Variants in FOXO1 observed in about 807,000 individuals in gnomAD.
FOXO1 encodes forkhead box O1, also known as forkhead box protein O1.
In FOXO1, 6 loss-of-function variants were observed where a neutral mutation model predicts 44.1. The ratio of observed to expected loss-of-function variants is 0.14; its 90% confidence interval spans 0.07 to 0.27. FOXO1 has a LOEUF of 0.27. Ranked by LOEUF, FOXO1 falls within the 10% of genes least tolerant of loss-of-function variation. FOXO1 has a pLI of 1.00. For synonymous variants in FOXO1, 380 were observed against 362.7 expected (o/e 1.05, Z -0.54); for missense variants, 737 against 888.8 (o/e 0.83, Z 2.17).
At chr13:40,664,650 TCAGGG>T in intron 1 of FOXO1, among the ~76,000 whole-genome samples, 1 of 151,926 alleles carries the variant, frequency 6.6e-6, no homozygotes, top group Non-Finnish European at 1.5e-5. Flanking sequence ...CCCCGGCCCC[TCAGGG>T]CAGCCTCTGT....
rs560587176 is a variant in FOXO1, at chr13:40,646,961, G to A, written c.630+18622C>T. 7.9e-5 allele frequency among the ~76,000 whole-genome samples: 12 copies of A among 152,276 alleles called. No individual in the cohort carries two copies. The South Asian group carries it at 2.3e-3, about 29-fold the overall frequency. ...ACACTACCCCAAAATATGACTGTAG[G>A]AGATCAGAATATGCCACCCCAAAAT... On this transcript the variant is annotated intron_variant, in intron 1 of 2. Coordinates refer to ENST00000379561, the MANE Select transcript of FOXO1 (RefSeq NM_002015.4).
chr13:40,561,556 T>C (rs937135446), intron 1 of FOXO1, among the ~76,000 whole-genome samples: 59 of 152,060 alleles, frequency 3.9e-4, no homozygotes, highest in African/African-American at 1.3e-3. Flanking sequence ...CTACTATCCT[T>C]AAAACTACTG....
intron 1 of FOXO1, among the ~76,000 whole-genome samples, chr13:40,658,836 C>G (rs917463199): frequency 6.6e-6 from 1 of 151,762 alleles, no homozygotes; most frequent in African/African-American, 2.4e-5. Context: ...GGTGAAATCC[C>G]GTCTCTACTA....
chr13:40,575,550 C>T (rs1874712789), intron 1 of FOXO1, among the ~76,000 whole-genome samples: 1 of 152,048 alleles, frequency 6.6e-6, no homozygotes, highest in African/African-American at 2.4e-5. Flanking sequence ...AATCTGTGGG[C>T]CTACCTAATG....
intron 1 of FOXO1, among the ~76,000 whole-genome samples, chr13:40,655,462 G>T (rs190124132): frequency 6.6e-6 from 1 of 151,648 alleles, no homozygotes; most frequent in Non-Finnish European, 1.5e-5. Flanking sequence ...ATCCTGGTGC[G>T]TCTGAAAGCT....
intron 1 of FOXO1, among the ~76,000 whole-genome samples, chr13:40,637,728 A>G (rs561715384): frequency 1.5e-4 from 23 of 152,330 alleles, no homozygotes; most frequent in Admixed American, 4.6e-4. Flanking sequence ...TCACACGAGT[A>G]AAGAGCAGCA....
At chr13:40,645,568 T>C (rs1877483075) in intron 1 of FOXO1, among the ~76,000 whole-genome samples, 1 of 152,204 alleles carries the variant, frequency 6.6e-6, no homozygotes, top group Non-Finnish European at 1.5e-5. Context: ...ACAGGGTTGT[T>C]GTAGCAAACT....
chr13:40,654,513 A>AG (rs1566086342), intron 1 of FOXO1, among the ~76,000 whole-genome samples: 11 of 148,064 alleles, frequency 7.4e-5, no homozygotes, highest in African/African-American at 2.7e-4. Context: ...AAAAAAAAAA[A>AG]AAGAAGAAAA....
intron 1 of FOXO1, among the ~76,000 whole-genome samples, chr13:40,635,717 C>G (rs1343625435): frequency 6.6e-6 from 1 of 152,230 alleles, no homozygotes; most frequent in Non-Finnish European, 1.5e-5. Flanking sequence ...AGGCTGATGC[C>G]TTGTGCAGGA....
At chr13:40,628,121 G>T (rs773723152) in intron 1 of FOXO1, among the ~76,000 whole-genome samples, 2 of 151,870 alleles carry the variant, frequency 1.3e-5, no homozygotes, top group East Asian at 3.9e-4. Context: ...TCTGGGTAAC[G>T]GGTACATAAA....
At chr13:40,571,940 T>C (rs951036152) in intron 1 of FOXO1, among the ~76,000 whole-genome samples, 2 of 152,220 alleles carry the variant, frequency 1.3e-5, no homozygotes, top group Non-Finnish European at 2.9e-5. Context: ...AAATTAGGCA[T>C]AAAATAAAGC....
At chr13:40,654,126 A>G (rs893236390) in intron 1 of FOXO1, among the ~76,000 whole-genome samples, 4 of 151,928 alleles carry the variant, frequency 2.6e-5, no homozygotes, top group Admixed American at 2.0e-4. Context: ...GGGGTATATC[A>G]TTAGGACCAG....
intron 1 of FOXO1, among the ~76,000 whole-genome samples, chr13:40,664,693 G>A (rs1878160953): frequency 6.6e-6 from 1 of 152,128 alleles, no homozygotes; most frequent in African/African-American, 2.4e-5. Context: ...TCCTACCAGG[G>A]GCAAGACCAA....
At chr13:40,584,513 T>G (rs1454228681) in intron 1 of FOXO1, among the ~76,000 whole-genome samples, 2 of 129,440 alleles carry the variant, frequency 1.5e-5, no homozygotes, top group African/African-American at 5.9e-5. Flanking sequence ...CCAGATGCAG[T>G]GGCACGTGTC....
chr13:40,572,130 T>C (rs576393634), intron 1 of FOXO1, among the ~76,000 whole-genome samples: 2 of 152,338 alleles, frequency 1.3e-5, no homozygotes, highest in South Asian at 4.1e-4. Context: ...AAAAACTTTA[T>C]GGATATAAAT....
At chr13:40,638,277 A>C (rs556520835) in intron 1 of FOXO1, among the ~76,000 whole-genome samples, 1 of 152,336 alleles carries the variant, frequency 6.6e-6, no homozygotes, top group East Asian at 1.9e-4. Context: ...ATGTCAAGCC[A>C]GATGAGAACC....
chr13:40,588,549 G>A (rs150022462), intron 1 of FOXO1, among the ~76,000 whole-genome samples: 2 of 152,090 alleles, frequency 1.3e-5, no homozygotes, highest in Admixed American at 1.3e-4. Flanking sequence ...TAAGATTTTG[G>A]GGGGGACATT....
At chr13:40,636,460 AGGAGTTCAATACCAGCCTGGTCGAT>A (rs1877158208) in intron 1 of FOXO1, among the ~76,000 whole-genome samples, 1 of 151,790 alleles carries the variant, frequency 6.6e-6, no homozygotes, top group East Asian at 1.9e-4. Context: ...GCTTGAGGCC[AGGAGTTCAATACCAGCCTGGTCGAT>A]ATAGCAAGAT....
intron 1 of FOXO1, among the ~76,000 whole-genome samples, chr13:40,597,270 G>C (rs942867896): frequency 5.3e-5 from 8 of 152,200 alleles, no homozygotes; most frequent in Non-Finnish European, 1.0e-4. Flanking sequence ...TATTACCACA[G>C]ATAAAGACAA....
Sources: allele counts gnomAD v4.1 joint callset (sites outside exome capture counted in the v4.1 genomes callset), GRCh38; gene constraint gnomAD v4.1.1; transcripts MANE v1.5; gene names NCBI Gene and HGNC (gene_info 2026-07-23, HGNC 2026-07-21).